The following ADRA1B variants were observed in gnomAD, a reference collection of about 807,000 sequenced individuals.
ADRA1B encodes the protein alpha-1B adrenergic receptor.
In ADRA1B, 17 loss-of-function variants were observed where a neutral mutation model predicts 17.9. That is an observed-to-expected ratio of 0.95 (90% CI 0.65 to 1.42). ADRA1B has a LOEUF of 1.42. Among genes scored for constraint, ADRA1B ranks in the 40% most tolerant of loss-of-function variants. The pLI is 0.00. For synonymous variants in ADRA1B, 366 were observed against 327.6 expected, an observed-to-expected ratio of 1.12 and a Z score of -1.27; for missense variants, 681 against 722.1, an observed-to-expected ratio of 0.94 and a Z score of 0.65.
chr5:159,922,505 T>C (rs913702368), intron 1 of ADRA1B, among the ~76,000 whole-genome samples: 1 of 152,216 alleles, frequency 6.6e-6, no homozygotes, highest in African/African-American at 2.4e-5. Flanking sequence ...GAACTAGTAA[T>C]GATGCTTCTG....
chr5:159,901,147 T>A (rs1754096199), intron 1 of ADRA1B, among the ~76,000 whole-genome samples: 1 of 151,756 alleles, frequency 6.6e-6, no homozygotes, highest in Non-Finnish European at 1.5e-5. Flanking sequence ...AACTTATAAT[T>A]ATTTATTATG....
At chr5:159,936,913 G>C (rs994989199) in intron 1 of ADRA1B, among the ~76,000 whole-genome samples, 1 of 152,214 alleles carries the variant, frequency 6.6e-6, no homozygotes, top group African/African-American at 2.4e-5. Flanking sequence ...TTGTCAGAGA[G>C]CATCCACTGT....
downstream of ADRA1B, among the ~76,000 whole-genome samples, chr5:159,977,969 C>G (rs569348645): frequency 2.7e-3 from 413 of 152,212 alleles, 4 homozygotes; most frequent in African/African-American, 9.6e-3. Context: ...TCTCGGTGAT[C>G]ATCCGATTTC....
chr5:159,873,573 C>G, intron 1 of ADRA1B, among the ~76,000 whole-genome samples: 1 of 152,190 alleles, frequency 6.6e-6, no homozygotes, highest in East Asian at 1.9e-4. Flanking sequence ...TTTCCTCTCC[C>G]TTCCCCAAGT....
At chr5:159,878,442 T>C (rs1753824694) in intron 1 of ADRA1B, among the ~76,000 whole-genome samples, 1 of 152,168 alleles carries the variant, frequency 6.6e-6, no homozygotes, top group South Asian at 2.1e-4. Context: ...AAGGAGCCAA[T>C]AAACCAGACC....
At chr5:159,951,980 A>ATGGCCT (rs1185806293) in intron 1 of ADRA1B, among the ~76,000 whole-genome samples, 2 of 152,284 alleles carry the variant, frequency 1.3e-5, no homozygotes, top group African/African-American at 4.8e-5. Flanking sequence ...CAAGGCCTGG[A>ATGGCCT]GATGGCAAAA....
At chr5:159,935,459 A>C (rs1754927805) in intron 1 of ADRA1B, among the ~76,000 whole-genome samples, 1 of 152,172 alleles carries the variant, frequency 6.6e-6, no homozygotes. Flanking sequence ...AATATATATA[A>C]AAGGCGCCCC....
intron 1 of ADRA1B, among the ~76,000 whole-genome samples, chr5:159,884,772 C>G (rs565550950): frequency 6.6e-6 from 1 of 152,268 alleles, no homozygotes; most frequent in East Asian, 1.9e-4. Flanking sequence ...TAGAAATGTT[C>G]AGATCTACCA....
chr5:159,918,077 T>C (rs1233188887), intron 1 of ADRA1B, among the ~76,000 whole-genome samples: 2 of 152,226 alleles, frequency 1.3e-5, no homozygotes, highest in African/African-American at 2.4e-5. Context: ...CTTCTGGAAA[T>C]AGAACCAGGG....
At chr5:159,875,505 A>G (rs1194492213) in intron 1 of ADRA1B, among the ~76,000 whole-genome samples, 1 of 152,228 alleles carries the variant, frequency 6.6e-6, no homozygotes, top group Non-Finnish European at 1.5e-5. Context: ...AGTTTGGTTC[A>G]TATACAGTAT....
intron 1 of ADRA1B, among the ~76,000 whole-genome samples, chr5:159,961,436 G>A (rs549346102): frequency 1.3e-4 from 20 of 152,314 alleles, no homozygotes; most frequent in African/African-American, 4.6e-4. Flanking sequence ...CACTGGACAA[G>A]TTTATGATCT....
intron 1 of ADRA1B, among the ~76,000 whole-genome samples, chr5:159,961,985 G>A (rs1358594722): frequency 2.0e-5 from 3 of 152,204 alleles, no homozygotes; most frequent in African/African-American, 7.2e-5. Context: ...CCGAGGCGAG[G>A]TTAGGAGTTC....
chr5:159,880,354 C>T (rs1753850138), intron 1 of ADRA1B, among the ~76,000 whole-genome samples: 1 of 152,198 alleles, frequency 6.6e-6, no homozygotes, highest in South Asian at 2.1e-4. Flanking sequence ...TACTAAGTGC[C>T]ACATAATTCA....
chr5:159,917,986 G>A, intron 1 of ADRA1B, 132 bp downstream of exon 1: 3 of 864,504 alleles, frequency 3.5e-6, no homozygotes, highest in Non-Finnish European at 5.4e-6. Flanking sequence ...GAATAATATT[G>A]TTTGTTCTGC....
upstream of ADRA1B, among the ~76,000 whole-genome samples, chr5:159,912,389 A>C (rs191603979): frequency 4.0e-3 from 613 of 152,340 alleles, 2 homozygotes; most frequent in Non-Finnish European, 6.0e-3. Flanking sequence ...ATTAGAATCC[A>C]AGTTAGCTCT....
At chr5:159,946,850 A>G (rs1043777696) in intron 1 of ADRA1B, among the ~76,000 whole-genome samples, 5 of 152,216 alleles carry the variant, frequency 3.3e-5, no homozygotes, top group African/African-American at 1.2e-4. Flanking sequence ...GTGTAGGACC[A>G]CGACACATGA....
intron 1 of ADRA1B, among the ~76,000 whole-genome samples, chr5:159,939,278 A>AGT (rs70987981): frequency 2.0e-4 from 20 of 98,308 alleles, no homozygotes; most frequent in Non-Finnish European, 2.6e-4. Flanking sequence ...AGAGAGAGAG[A>AGT]GTGTGTGTGT....
chr5:159,882,857 C>T (rs1357936688), intron 1 of ADRA1B, among the ~76,000 whole-genome samples: 4 of 152,046 alleles, frequency 2.6e-5, no homozygotes, highest in African/African-American at 9.7e-5. Flanking sequence ...TCAACTCTAA[C>T]CAAAGAGAGA....
At chr5:159,962,935 C>CTTTTTTTTTTTTTTT (rs1206944978) in intron 1 of ADRA1B, among the ~76,000 whole-genome samples, 1 of 41,784 alleles carries the variant, frequency 2.4e-5, no homozygotes, top group Non-Finnish European at 5.0e-5. Context: ...CTTTTCTTTT[C>CTTTTTTTTTTTTTTT]TTTTTTTTTT....
Sources: gnomAD v4.1 joint callset for allele counts (sites outside exome capture counted in the v4.1 genomes callset) on GRCh38, gnomAD v4.1.1 for gene constraint, MANE v1.5 for transcripts, NCBI Gene and HGNC (gene_info 2026-07-23, HGNC 2026-07-21) for gene names.